KCNIP4: variants seen among roughly 807,000 people sequenced by gnomAD.
The protein encoded by KCNIP4 is Kv channel-interacting protein 4.
Under a neutral mutation model 34.0 loss-of-function variants are expected in KCNIP4, and 12 were observed. The observed-to-expected ratio is 0.35, with a 90% CI of 0.23 to 0.57. The LOEUF (loss-of-function observed/expected upper bound fraction) is 0.57, where lower values mean the gene tolerates loss of function less well. Among genes scored for constraint, KCNIP4 ranks in the 20% least tolerant of loss-of-function variants. The pLI is 0.83. For missense variants in KCNIP4, 238 were observed against 311.7 expected (o/e 0.76, Z 1.78); for synonymous variants, 124 against 102.2 (o/e 1.21, Z -1.29).
At position 21,720,054 on chromosome 4, in the gene KCNIP4, A is replaced by G. The variant is rs193280765; in HGVS notation, c.61+228517T>C. On this transcript the variant is annotated intron_variant, in intron 1 of 8. Coordinates refer to ENST00000382152, the MANE Select transcript of KCNIP4 (RefSeq NM_025221.6). The stretch of plus-strand genomic sequence containing the variant: ...AGGAGAAGGAGAAGGAGAAGAGGAA[A>G]AAGAAGAAGAAGAAAAAAAAAACAG... Among the ~76,000 whole-genome samples, 3 of 138,256 alleles carry G rather than the reference A, an allele frequency of 2.2e-5. No individual in the cohort carries two copies. In the Admixed American group the frequency reaches 2.5e-4, roughly 11 times the overall value. The allele number at this position is 138,256 out of a possible 152,430, so 90.7% of individuals were successfully genotyped here.
intron 3 of KCNIP4, among the ~76,000 whole-genome samples, chr4:20,793,343 T>C (rs1713021750): frequency 6.6e-6 from 1 of 152,158 alleles, no homozygotes; most frequent in Non-Finnish European, 1.5e-5. Flanking sequence ...TTTTAGAAAC[T>C]GCAAATTAGT....
chr4:21,218,859 G>A (rs1213413070), intron 1 of KCNIP4, among the ~76,000 whole-genome samples: 2 of 152,116 alleles, frequency 1.3e-5, no homozygotes, highest in African/African-American at 4.8e-5. Context: ...ATATATATAT[G>A]TGGGAGTATT....
intron 1 of KCNIP4, among the ~76,000 whole-genome samples, chr4:21,686,332 T>C (rs1750801115): frequency 6.6e-6 from 1 of 152,152 alleles, no homozygotes; most frequent in Non-Finnish European, 1.5e-5. Context: ...TGTTTTTTTG[T>C]GTGTGTAAAA....
At chr4:21,117,715 C>T (rs1324453038) in intron 1 of KCNIP4, among the ~76,000 whole-genome samples, 1 of 152,082 alleles carries the variant, frequency 6.6e-6, no homozygotes, top group Non-Finnish European at 1.5e-5. Flanking sequence ...GAATGGGCCC[C>T]TAGGTCCATT....
rs757216562 is a variant in KCNIP4, at chr4:21,452,639, C to T, written c.61+495932G>A. 5.3e-5 allele frequency among the ~76,000 whole-genome samples: 8 copies of T among 151,772 alleles called. No individual in the cohort carries two copies. The East Asian group carries it at 1.2e-3, about 22-fold the overall frequency. Reference sequence around the variant, plus strand: ...CAGTTACCACTATTGTAACTACTACCATGACACCCATGGCTAAAATTATCA... The same window carrying T: ...CAGTTACCACTATTGTAACTACTACTATGACACCCATGGCTAAAATTATCA... On this transcript the variant is annotated intron_variant, in intron 1 of 8. Transcript: ENST00000382152.
rs1362910538 is a variant in KCNIP4, at chr4:20,730,004, C to T, written c.*78G>A. 6.6e-7 allele frequency: 1 copy of T among 1,514,138 alleles called. No individual in the cohort carries two copies. The highest frequency in any genetic ancestry group is 2.4e-5 in the East Asian group (1 of 42,522). 93.8% of individuals were successfully genotyped at this position (1,514,138 alleles called of 1,614,324 possible). ...TCAGTGTCAAGCTGAGCAATCTATG[C>T]TAAAAGTGGTAGCTCCAACTTTAAG... On this transcript the variant is annotated 3_prime_UTR_variant, in exon 9 of 9. Transcript: ENST00000382152.
chr4:21,228,933 A>C (rs1430749933), intron 1 of KCNIP4, among the ~76,000 whole-genome samples: 2 of 152,086 alleles, frequency 1.3e-5, no homozygotes, highest in African/African-American at 4.8e-5. Flanking sequence ...TGAACACACC[A>C]TTACTCTGTT....
chr4:21,310,489 C>T (rs1713032690), intron 1 of KCNIP4, among the ~76,000 whole-genome samples: 1 of 152,102 alleles, frequency 6.6e-6, no homozygotes, highest in South Asian at 2.1e-4. Context: ...CTTTAACTTC[C>T]TTTGGCACTT....
At chr4:21,454,195 G>T (rs1389408124) in intron 1 of KCNIP4, among the ~76,000 whole-genome samples, 2 of 152,056 alleles carry the variant, frequency 1.3e-5, no homozygotes, top group Non-Finnish European at 2.9e-5. Context: ...CGTGTCCCGA[G>T]ATTTTACTTT....
At chr4:21,244,869 A>C (rs1195364763) in intron 1 of KCNIP4, among the ~76,000 whole-genome samples, 2 of 152,226 alleles carry the variant, frequency 1.3e-5, no homozygotes, top group Non-Finnish European at 2.9e-5. Flanking sequence ...TGAAAAATTG[A>C]ATATTGCTTA....
chr4:21,336,203 A>T (rs899737832), intron 1 of KCNIP4, among the ~76,000 whole-genome samples: 3 of 152,066 alleles, frequency 2.0e-5, no homozygotes, highest in Admixed American at 1.3e-4. Context: ...TATAACATTA[A>T]ATTTTTAATA....
intron 1 of KCNIP4, among the ~76,000 whole-genome samples, chr4:21,665,655 C>A (rs1156926483): frequency 6.6e-6 from 1 of 152,146 alleles, no homozygotes; most frequent in African/African-American, 2.4e-5. Flanking sequence ...ACCCAGCCAG[C>A]TGGCCTTTCC....
At chr4:21,480,839 T>C (rs1731358106) in intron 1 of KCNIP4, among the ~76,000 whole-genome samples, 1 of 152,220 alleles carries the variant, frequency 6.6e-6, no homozygotes, top group African/African-American at 2.4e-5. Context: ...TGTAGAGATG[T>C]GACTTAGTTC....
At chr4:21,232,035 T>A (rs1194062838) in intron 1 of KCNIP4, among the ~76,000 whole-genome samples, 2 of 152,156 alleles carry the variant, frequency 1.3e-5, no homozygotes, top group Non-Finnish European at 2.9e-5. Flanking sequence ...AATTAACTGT[T>A]CTTTACCCCG....
At chr4:21,251,571 T>C (rs1169927521) in intron 1 of KCNIP4, among the ~76,000 whole-genome samples, 2 of 152,170 alleles carry the variant, frequency 1.3e-5, no homozygotes, top group Admixed American at 6.5e-5. Context: ...TTTCAAAATA[T>C]TTTGTTTCAA....
chr4:21,724,963 C>A (rs569399654), intron 1 of KCNIP4, among the ~76,000 whole-genome samples: 1 of 152,266 alleles, frequency 6.6e-6, no homozygotes, highest in East Asian at 1.9e-4. Flanking sequence ...TCAGTCCTTA[C>A]TCTTTCCTTT....
chr4:21,108,523 C>T (rs1358966610), intron 1 of KCNIP4, among the ~76,000 whole-genome samples: 1 of 151,552 alleles, frequency 6.6e-6, no homozygotes, highest in Admixed American at 6.6e-5. Flanking sequence ...AAGTTTTTAA[C>T]TTCTTTGCCT....
intron 1 of KCNIP4, among the ~76,000 whole-genome samples, chr4:21,291,927 GAAAGAAAGAAA>G (rs1560260173): frequency 4.5e-5 from 3 of 66,654 alleles, no homozygotes; most frequent in East Asian, 7.2e-4. Flanking sequence ...AAGAAAGAAA[GAAAGAAAGAAA>G]AAAAAAGAAA....
chr4:21,026,357 G>A (rs1740559402), intron 1 of KCNIP4, among the ~76,000 whole-genome samples: 1 of 152,082 alleles, frequency 6.6e-6, no homozygotes, highest in Admixed American at 6.6e-5. Context: ...AGATTAAAGG[G>A]TCCATGGGAT....
Sources: gnomAD v4.1 joint callset for allele counts (sites outside exome capture counted in the v4.1 genomes callset) on GRCh38, gnomAD v4.1.1 for gene constraint, MANE v1.5 for transcripts, NCBI Gene and HGNC (gene_info 2026-07-23, HGNC 2026-07-21) for gene names.